The following DST variants were observed in gnomAD, a reference collection of about 807,000 sequenced individuals.
DST encodes dystonin, also known as bullous pemphigoid antigen.
DST carries 253 observed loss-of-function variants against 875.2 expected under a neutral mutation model. That is an observed-to-expected ratio of 0.29 (90% confidence interval 0.26 to 0.32). The LOEUF is 0.32. Ranked by LOEUF, DST falls within the 10% of genes least tolerant of loss-of-function variation. The probability of loss-of-function intolerance (pLI) is 1.00; values close to 1 mark genes in which losing one functional copy is unlikely to be tolerated. For synonymous variants in DST, 3,124 were observed against 3,197.1 expected (o/e 0.98, Z 0.77); for missense variants, 8,287 against 9,111.6 (o/e 0.91, Z 3.68).
chr6:56,711,985 G>A (rs971784164), intron 5 of DST, among the ~76,000 whole-genome samples: 2 of 149,296 alleles, frequency 1.3e-5, no homozygotes, highest in Admixed American at 6.7e-5. Flanking sequence ...CAGCTACTCG[G>A]GAGGCTGAGG....
At chr6:56,903,395 G>A (rs1795004335) in intron 2 of DST, among the ~76,000 whole-genome samples, 1 of 152,154 alleles carries the variant, frequency 6.6e-6, no homozygotes, top group East Asian at 1.9e-4. Context: ...TCACATCCCT[G>A]TATCTACCCT....
chr6:56,560,290 A>G lies in DST; in HGVS notation c.14440+4T>C. The G allele has an allele frequency of 6.2e-7, 1 of 1,602,240 alleles. No homozygotes were observed. The highest frequency in any genetic ancestry group is 8.5e-7 in the Non-Finnish European group (1 of 1,174,358). On this transcript the variant is annotated splice_donor_region_variant and intron_variant, in intron 58 of 103. Coordinates refer to ENST00000680361, the MANE Select transcript of DST (RefSeq NM_001374736.1). ...TAGGCATTCATCTAAGTAACGCAAC[A>G]TACCTATTTCTGTCAACATCTGTTT...
At chr6:56,765,047 A>G (rs1367175020) in intron 4 of DST, among the ~76,000 whole-genome samples, 2 of 151,972 alleles carry the variant, frequency 1.3e-5, no homozygotes, top group Non-Finnish European at 2.9e-5. Context: ...GGCTCAGGAA[A>G]TCTGTGTATG....
At chr6:56,561,891 T>C (rs2097540528) in intron 56 of DST, among the ~76,000 whole-genome samples, 1 of 152,094 alleles carries the variant, frequency 6.6e-6, no homozygotes, top group Non-Finnish European at 1.5e-5. Context: ...TATCTCAAAT[T>C]AACCAAAAAG....
chr6:56,700,400 T>C (rs2152875276), intron 8 of DST, among the ~76,000 whole-genome samples: 1 of 152,304 alleles, frequency 6.6e-6, no homozygotes, highest in Middle Eastern at 3.4e-3. Context: ...ATCTTAAAAT[T>C]AGAAAAAATT....
At chr6:56,681,251 G>A (rs562434055) in intron 9 of DST, among the ~76,000 whole-genome samples, 2 of 152,190 alleles carry the variant, frequency 1.3e-5, no homozygotes, top group East Asian at 1.9e-4. Context: ...TCCTTGATGC[G>A]TTTTCAACCT....
chr6:56,824,586 G>A (rs560381599), intron 4 of DST, among the ~76,000 whole-genome samples: 3 of 150,468 alleles, frequency 2.0e-5, no homozygotes, highest in African/African-American at 7.3e-5. Flanking sequence ...GCCGCCCATC[G>A]TCTGAGATGT....
intron 80 of DST, among the ~76,000 whole-genome samples, chr6:56,498,297 C>T (rs1036716506): frequency 6.6e-6 from 1 of 152,144 alleles, no homozygotes; most frequent in African/African-American, 2.4e-5. Context: ...TTCAGCCTCT[C>T]AAATAGCTGG....
At chr6:56,706,454 G>C (rs190637228) in intron 5 of DST, among the ~76,000 whole-genome samples, 1 of 152,298 alleles carries the variant, frequency 6.6e-6, no homozygotes, top group African/African-American at 2.4e-5. Flanking sequence ...CTGTATTTCA[G>C]AGATGAATCA....
At chr6:56,744,835 A>G (rs1456677377) in intron 4 of DST, among the ~76,000 whole-genome samples, 1 of 152,212 alleles carries the variant, frequency 6.6e-6, no homozygotes, top group Non-Finnish European at 1.5e-5. Context: ...GCTGCCACGT[A>G]GTTGAAATGG....
At chr6:56,715,965 G>T (rs1434309064) in intron 5 of DST, among the ~76,000 whole-genome samples, 6 of 152,116 alleles carry the variant, frequency 3.9e-5, no homozygotes, top group Non-Finnish European at 7.4e-5. Context: ...TCTCATATTT[G>T]AAGGACTTCC....
intron 69 of DST, among the ~76,000 whole-genome samples, chr6:56,518,442 G>C (rs1562513965): frequency 1.3e-5 from 2 of 151,112 alleles, no homozygotes; most frequent in Admixed American, 1.3e-4. Flanking sequence ...TTTTCATTTA[G>C]TATGAACATT....
intron 36 of DST, chr6:56,618,846 C>T: frequency 6.2e-7 from 1 of 1,614,078 alleles, no homozygotes; most frequent in Non-Finnish European, 8.5e-7. Flanking sequence ...GTCATCTGCT[C>T]CTCTATGGTC....
chr6:56,619,852 A>C (rs1178851920), intron 36 of DST: 1 of 1,614,016 alleles, frequency 6.2e-7, no homozygotes, highest in East Asian at 2.2e-5. Flanking sequence ...ACGTTTTTTC[A>C]AGCTGGAGGG....
At chr6:56,633,880 T>C (rs2098804708) in intron 27 of DST, among the ~76,000 whole-genome samples, 1 of 152,240 alleles carries the variant, frequency 6.6e-6, no homozygotes, top group Non-Finnish European at 1.5e-5. Context: ...TCATCGTATA[T>C]CCAACAACTA....
intron 4 of DST, among the ~76,000 whole-genome samples, chr6:56,754,677 C>T (rs1347753830): frequency 6.6e-6 from 1 of 152,034 alleles, no homozygotes; most frequent in Admixed American, 6.5e-5. Flanking sequence ...TGGATTCAAA[C>T]AAATCAACTC....
intron 2 of DST, among the ~76,000 whole-genome samples, chr6:56,947,345 G>A (rs1265695901): frequency 4.7e-5 from 7 of 150,508 alleles, no homozygotes; most frequent in Admixed American, 3.3e-4. Flanking sequence ...CCACCTCCCA[G>A]GTTCAAACGA....
chr6:56,566,880 A>G (rs1265188591), intron 55 of DST, among the ~76,000 whole-genome samples: 1 of 152,192 alleles, frequency 6.6e-6, no homozygotes, highest in African/African-American at 2.4e-5. Context: ...TGAAAGTGAA[A>G]AAGAAAATAA....
intron 5 of DST, 92 bp downstream of exon 5, chr6:56,735,136 A>G (rs2099518231): frequency 3.6e-6 from 3 of 844,022 alleles, no homozygotes; most frequent in East Asian, 2.7e-5. Flanking sequence ...ATGATTTTCA[A>G]AAGTTGTGCT....
Sources: gnomAD v4.1 joint callset for allele counts (sites outside exome capture counted in the v4.1 genomes callset) on GRCh38, gnomAD v4.1.1 for gene constraint, MANE v1.5 for transcripts, NCBI Gene and HGNC (gene_info 2026-07-23, HGNC 2026-07-21) for gene names.